TNPO3: variants seen among roughly 807,000 people sequenced by gnomAD.
TNPO3 encodes transportin 3.
In TNPO3, 65 loss-of-function variants were observed where a neutral mutation model predicts 122.8. The observed-to-expected ratio is 0.53, with a 90% CI of 0.43 to 0.65. The LOEUF (loss-of-function observed/expected upper bound fraction) is 0.65, where lower values mean the gene tolerates loss of function less well. TNPO3 is among the 30% of genes least tolerant of loss of function. The pLI is 0.00. For synonymous variants in TNPO3, 372 were observed against 411.2 expected, an observed-to-expected ratio of 0.90 and a Z score of 1.15; for missense variants, 850 against 1,136.7, an observed-to-expected ratio of 0.75 and a Z score of 3.63.
intron 8 of TNPO3, among the ~76,000 whole-genome samples, chr7:128,994,650 A>G (rs1304316814): frequency 6.6e-6 from 1 of 151,816 alleles, no homozygotes; most frequent in Non-Finnish European, 1.5e-5. Context: ...AACTTCACAC[A>G]GAAAATATAC....
chr7:128,968,851 T>C (rs1466951949), intron 20 of TNPO3, among the ~76,000 whole-genome samples: 4 of 151,964 alleles, frequency 2.6e-5, no homozygotes, highest in African/African-American at 9.7e-5. Flanking sequence ...GCTGGGACTA[T>C]AGATGTATGC....
intron 21 of TNPO3, among the ~76,000 whole-genome samples, chr7:128,961,250 A>G (rs945491751): frequency 6.6e-6 from 1 of 152,048 alleles, no homozygotes; most frequent in Non-Finnish European, 1.5e-5. Flanking sequence ...AAGTGCCCTC[A>G]TACAGGTATA....
At chr7:128,991,955 C>T (rs756378408) in intron 10 of TNPO3, 44 bp downstream of exon 10, 13 of 1,366,978 alleles carry the variant, frequency 9.5e-6, no homozygotes, top group Admixed American at 4.4e-5. Context: ...TTTCCTTCCT[C>T]TTGATATTTA....
chr7:129,014,833 T>C, intron 4 of TNPO3, 146 bp downstream of exon 4: 4 of 679,878 alleles, frequency 5.9e-6, no homozygotes, highest in Non-Finnish European at 9.1e-6. Context: ...GAAAGTATGT[T>C]GTCATGGTAA....
chr7:129,042,518 C>G (rs1039890089), intron 1 of TNPO3, among the ~76,000 whole-genome samples: 2 of 152,026 alleles, frequency 1.3e-5, no homozygotes, highest in Non-Finnish European at 2.9e-5. Flanking sequence ...AAAGAAAGAA[C>G]AAGTCTAATT....
intron 21 of TNPO3, among the ~76,000 whole-genome samples, chr7:128,964,124 T>C: frequency 6.6e-6 from 1 of 152,106 alleles, no homozygotes; most frequent in East Asian, 1.9e-4. Flanking sequence ...CTACAAAATG[T>C]AGCTGAAAGA....
intron 1 of TNPO3, among the ~76,000 whole-genome samples, chr7:129,026,301 A>G (rs561826200): frequency 6.6e-6 from 1 of 152,166 alleles, no homozygotes; most frequent in African/African-American, 2.4e-5. Flanking sequence ...CAGGCAAACC[A>G]GTAATCTTAG....
At chr7:129,004,968 C>G in intron 5 of TNPO3, 48 bp downstream of exon 5, 1 of 1,576,918 alleles carries the variant, frequency 6.3e-7, no homozygotes, top group Non-Finnish European at 8.6e-7. Context: ...AGGTTAGTTA[C>G]GAAAAGTGAT....
At chr7:128,968,085 A>G (rs1324415664) in intron 20 of TNPO3, among the ~76,000 whole-genome samples, 1 of 152,196 alleles carries the variant, frequency 6.6e-6, no homozygotes, top group Admixed American at 6.5e-5. Flanking sequence ...CTTGAGCTTA[A>G]AGATCAAAAG....
chr7:128,971,112 A>G (rs1563088587), intron 19 of TNPO3: 1 of 37,594 alleles, frequency 2.7e-5, no homozygotes, highest in Non-Finnish European at 6.2e-5. Flanking sequence ...TTTTCTATCG[A>G]AAAAAAAAAA....
intron 1 of TNPO3, among the ~76,000 whole-genome samples, chr7:129,020,137 G>A (rs918936111): frequency 1.8e-4 from 26 of 144,334 alleles, no homozygotes; most frequent in African/African-American, 6.6e-4. Flanking sequence ...CACCCCTCCC[G>A]CCCCCCACCA....
At chr7:128,977,528 T>C (rs900665608) in intron 16 of TNPO3, among the ~76,000 whole-genome samples, 6 of 152,204 alleles carry the variant, frequency 3.9e-5, no homozygotes, top group Non-Finnish European at 7.4e-5. Flanking sequence ...CGCACCAGCA[T>C]GCCTGTGCCT....
chr7:128,956,936 G>A (rs924997374), intron 22 of TNPO3, among the ~76,000 whole-genome samples: 2 of 152,216 alleles, frequency 1.3e-5, no homozygotes, highest in African/African-American at 4.8e-5. Context: ...TCTTAGAAGT[G>A]TCTGTAAGGG....
intron 4 of TNPO3, among the ~76,000 whole-genome samples, chr7:129,010,088 T>C (rs1157379307): frequency 1.3e-5 from 2 of 152,244 alleles, no homozygotes; most frequent in East Asian, 1.9e-4. Flanking sequence ...CCTACCTTTC[T>C]AGTAGGAGCT....
intron 1 of TNPO3, among the ~76,000 whole-genome samples, chr7:129,048,491 C>T (rs925733649): frequency 6.6e-6 from 1 of 152,134 alleles, no homozygotes; most frequent in African/African-American, 2.4e-5. Context: ...GATGGTGCCA[C>T]TGCACTCCGG....
intron 4 of TNPO3, among the ~76,000 whole-genome samples, chr7:129,010,607 T>G (rs1004885612): frequency 1.6e-4 from 25 of 152,094 alleles, no homozygotes; most frequent in African/African-American, 5.8e-4. Context: ...AGGAGGAAAG[T>G]GAACTTTAAA....
At chr7:129,047,363 A>G (rs1392621541) in intron 1 of TNPO3, among the ~76,000 whole-genome samples, 1 of 152,206 alleles carries the variant, frequency 6.6e-6, no homozygotes, top group African/African-American at 2.4e-5. Context: ...GTAGGGGTGG[A>G]CAAATGAAAC....
intron 9 of TNPO3, 94 bp from the exon 10 acceptor site, chr7:128,992,184 T>G: frequency 1.5e-6 from 1 of 647,028 alleles, no homozygotes; most frequent in Non-Finnish European, 2.6e-6. Context: ...AAATCCTGCT[T>G]CTTGTTTCTA....
intron 8 of TNPO3, among the ~76,000 whole-genome samples, chr7:128,996,742 CAAAAAAA>C (rs10618550): frequency 5.7e-5 from 4 of 69,910 alleles, no homozygotes; most frequent in South Asian, 5.9e-4. Context: ...GACTCCGTCT[CAAAAAAA>C]AAAAAAAAAA....
Sources: gnomAD v4.1 joint callset for allele counts (sites outside exome capture counted in the v4.1 genomes callset) on GRCh38, gnomAD v4.1.1 for gene constraint, MANE v1.5 for transcripts, NCBI Gene and HGNC (gene_info 2026-07-23, HGNC 2026-07-21) for gene names.